AGO3: variants seen among roughly 807,000 people sequenced by gnomAD.
AGO3 encodes the protein argonaute RISC catalytic component 3, also known as protein argonaute-3.
A neutral mutation model predicts 105.5 loss-of-function variants in AGO3; 16 were observed. That is an observed-to-expected ratio of 0.15 (90% CI 0.10 to 0.23). AGO3 has a LOEUF of 0.23. Ranked by LOEUF, AGO3 falls within the 10% of genes least tolerant of loss-of-function variation. The pLI is 1.00. For missense variants in AGO3, 534 were observed against 1,088.0 expected, an observed-to-expected ratio of 0.49 and a Z score of 7.16; for synonymous variants, 340 against 367.3, an observed-to-expected ratio of 0.93 and a Z score of 0.85.
intron 5 of AGO3, among the ~76,000 whole-genome samples, chr1:35,994,922 A>G (rs752002850): frequency 7.2e-5 from 11 of 151,960 alleles, no homozygotes; most frequent in Non-Finnish European, 1.5e-4. Flanking sequence ...TGATCTATAA[A>G]CTCAATACAA....
intron 5 of AGO3, among the ~76,000 whole-genome samples, chr1:35,985,554 T>A (rs1647154376): frequency 6.6e-6 from 1 of 152,208 alleles, no homozygotes; most frequent in Non-Finnish European, 1.5e-5. Context: ...TTCAGATCAG[T>A]AGGGAAAGAG....
intron 5 of AGO3, among the ~76,000 whole-genome samples, chr1:35,978,191 A>T (rs1488616053): frequency 6.6e-6 from 1 of 151,968 alleles, no homozygotes; most frequent in Admixed American, 6.6e-5. Flanking sequence ...AGGTACCCAA[A>T]TTTCTTGACA....
rs1646040152 is a variant in AGO3 at position 35,931,255 on chromosome 1, CTT to C, written c.-171_-170del. The C allele has an allele frequency of 4.1e-6, 2 of 487,958 alleles. No individual in the cohort carries two copies. The highest frequency in any genetic ancestry group is 7.1e-6 in the Non-Finnish European group (2 of 281,652). 30.2% of individuals were successfully genotyped at this position (487,958 alleles called of 1,614,324 possible). On this transcript the variant is annotated 5_prime_UTR_variant, in exon 1 of 19. Transcript: ENST00000373191. ...CCTGTGCCGTTTTCCGTCCGCGACT[CTT>C]CCGGCCCAGAGCTTTCGGAGTGCGG...
At chr1:35,964,081 A>T (rs1646729789) in intron 2 of AGO3, among the ~76,000 whole-genome samples, 1 of 152,132 alleles carries the variant, frequency 6.6e-6, no homozygotes, top group African/African-American at 2.4e-5. Context: ...ATTGTAGCAA[A>T]AATTGTATAT....
intron 6 of AGO3, chr1:36,005,731 GTA>G: frequency 2.0e-6 from 2 of 985,324 alleles, no homozygotes; most frequent in Non-Finnish European, 2.4e-6. Context: ...AATACAAGAT[GTA>G]CAGAACAAGG....
intron 5 of AGO3, among the ~76,000 whole-genome samples, chr1:35,993,651 T>G (rs1175993831): frequency 6.6e-6 from 1 of 152,056 alleles, no homozygotes; most frequent in Non-Finnish European, 1.5e-5. Flanking sequence ...ACTAGTGAGT[T>G]TTTTCTATAA....
chr1:36,034,152 A>G, intron 12 of AGO3, 22 bp from the exon 13 acceptor site: 1 of 1,490,224 alleles, frequency 6.7e-7, no homozygotes, highest in Non-Finnish European at 8.9e-7. Context: ...TTCTGACTAG[A>G]GGTTTTGCAT....
intron 17 of AGO3, 139 bp downstream of exon 17, chr1:36,043,687 G>A (rs1353424029): frequency 1.4e-6 from 1 of 706,796 alleles, no homozygotes; most frequent in Non-Finnish European, 2.3e-6. Context: ...GAAACTTTCA[G>A]TAAACAAATG....
chr1:36,013,438 A>G, intron 9 of AGO3, 192 bp from the exon 10 acceptor site: 1 of 638,444 alleles, frequency 1.6e-6, no homozygotes, highest in Non-Finnish European at 2.6e-6. Flanking sequence ...GAGGTCACAG[A>G]ATTTCTGCAG....
intron 1 of AGO3, among the ~76,000 whole-genome samples, chr1:35,934,146 C>T (rs1356349564): frequency 6.6e-6 from 1 of 152,052 alleles, no homozygotes; most frequent in Non-Finnish European, 1.5e-5. Context: ...TGTTTCAGTT[C>T]TAAATAAAGT....
At chr1:36,029,991 C>A (rs1641694190) in intron 12 of AGO3, among the ~76,000 whole-genome samples, 1 of 151,976 alleles carries the variant, frequency 6.6e-6, no homozygotes, top group Non-Finnish European at 1.5e-5. Context: ...CTGCGCCTGG[C>A]CCCTAAATTT....
chr1:36,010,564 T>A (rs1640555032), intron 9 of AGO3, among the ~76,000 whole-genome samples: 1 of 147,354 alleles, frequency 6.8e-6, no homozygotes, highest in African/African-American at 2.5e-5. Flanking sequence ...ATCACACCAC[T>A]GCACTCCAGC....
At chr1:35,939,466 G>A (rs549166907) in intron 1 of AGO3, among the ~76,000 whole-genome samples, 99 of 152,170 alleles carry the variant, frequency 6.5e-4, no homozygotes, top group East Asian at 2.5e-3. Context: ...ATGATGTGTC[G>A]GTATAGGTTT....
Position 36,026,760 on chromosome 1 carries a change from T to C in AGO3, c.1407-354T>C, listed in dbSNP as rs185941692. The stretch of plus-strand genomic sequence containing the variant: ...CCAACCCTATAGTTGAAGCAATCCT[T>C]TTACAGATGAGGAAAACTGAAGTAA... On this transcript the variant is annotated intron_variant, in intron 11 of 18. Coordinates refer to ENST00000373191, the MANE Select transcript of AGO3 (RefSeq NM_024852.4). Among the ~76,000 whole-genome samples, 36 of 152,274 alleles carry C rather than the reference T, an allele frequency of 2.4e-4. No homozygotes were observed. In the East Asian group the frequency reaches 6.4e-3, roughly 27 times the overall value.
chr1:35,958,879 G>A (rs951513736), intron 2 of AGO3, among the ~76,000 whole-genome samples: 2 of 152,124 alleles, frequency 1.3e-5, no homozygotes, highest in African/African-American at 4.8e-5. Context: ...TTATACTTTA[G>A]CAATCTTCTT....
chr1:36,039,185 T>C (rs72661661), intron 14 of AGO3, among the ~76,000 whole-genome samples: 36 of 152,286 alleles, frequency 2.4e-4, no homozygotes, highest in Non-Finnish European at 4.4e-4. Context: ...GAAGTACTAT[T>C]CTTTTTAATT....
chr1:35,952,754 ATG>A (rs1646496834), intron 2 of AGO3, among the ~76,000 whole-genome samples: 2 of 152,188 alleles, frequency 1.3e-5, no homozygotes, highest in South Asian at 4.1e-4. Context: ...TATAGCTTAG[ATG>A]TGTATATGGC....
At chr1:35,970,895 A>G (rs1646855843) in intron 3 of AGO3, among the ~76,000 whole-genome samples, 1 of 151,154 alleles carries the variant, frequency 6.6e-6, no homozygotes, top group Non-Finnish European at 1.5e-5. Context: ...ACACCTGGCT[A>G]ATTTAATTTT....
In AGO3 at chr1:35,987,927, G is replaced by A. The variant is rs575841683; in HGVS notation, c.658+14416G>A. Among the ~76,000 whole-genome samples, 4 of 151,906 alleles carry A rather than the reference G, an allele frequency of 2.6e-5. No individual in the cohort carries two copies. In the South Asian group the frequency reaches 6.3e-4, roughly 24 times the overall value. On this transcript the variant is annotated intron_variant, in intron 5 of 18. Coordinates refer to ENST00000373191, the MANE Select transcript of AGO3 (RefSeq NM_024852.4). Reference sequence around the variant, plus strand: ...TACTAAAAATACAAAAATCAGCTGGGCATGGTGGCGCACACCTGTAATCCC... The same window carrying A: ...TACTAAAAATACAAAAATCAGCTGGACATGGTGGCGCACACCTGTAATCCC...
Sources: allele counts gnomAD v4.1 joint callset (sites outside exome capture counted in the v4.1 genomes callset), GRCh38; gene constraint gnomAD v4.1.1; transcripts MANE v1.5; gene names NCBI Gene and HGNC (gene_info 2026-07-23, HGNC 2026-07-21).